The following COLQ variants were observed in gnomAD, a reference collection of about 807,000 sequenced individuals.
The protein encoded by COLQ is collagen like tail subunit of asymmetric acetylcholinesterase, also known as acetylcholinesterase collagenic tail peptide.
COLQ carries 48 observed loss-of-function variants against 69.0 expected under a neutral mutation model. The ratio of observed to expected loss-of-function variants is 0.70; its 90% CI spans 0.55 to 0.88. The LOEUF is 0.88. COLQ is among the 40% of genes least tolerant of loss of function. The pLI, the probability that COLQ is intolerant of heterozygous loss-of-function variation, is 0.00. For missense variants in COLQ, 618 were observed against 594.6 expected, an observed-to-expected ratio of 1.04 and a Z score of -0.41; for synonymous variants, 217 against 211.2, an observed-to-expected ratio of 1.03 and a Z score of -0.24.
At chr3:15,465,235 G>GAGATGGAGACTTTATATTTTTATTTATTT (rs1559515566) in intron 12 of COLQ, among the ~76,000 whole-genome samples, 10 of 135,766 alleles carry the variant, frequency 7.4e-5, no homozygotes, top group African/African-American at 1.9e-4. Flanking sequence ...TTTATATTTT[G>GAGATGGAGACTTTATATTTTTATTTATTT]ATTTATTTAT....
At chr3:15,476,727 T>C (rs1371507849) in intron 6 of COLQ, among the ~76,000 whole-genome samples, 1 of 152,164 alleles carries the variant, frequency 6.6e-6, no homozygotes, top group African/African-American at 2.4e-5. Flanking sequence ...AGGATTTCCA[T>C]CCTTCAGCCA....
At chr3:15,456,720 C>T (rs956240344) in intron 13 of COLQ, 141 bp from the exon 14 acceptor site, 1 of 1,104,014 alleles carries the variant, frequency 9.1e-7, no homozygotes, top group African/African-American at 1.6e-5. Context: ...TCTAGCATTC[C>T]TTCTGAAGTG....
chr3:15,453,020 G>T (rs191001348), intron 16 of COLQ, among the ~76,000 whole-genome samples: 1 of 152,336 alleles, frequency 6.6e-6, no homozygotes, highest in Non-Finnish European at 1.5e-5. Context: ...CTGGAACCCA[G>T]TGAAGAGCAG....
At position 15,512,128 on chromosome 3, in the gene COLQ, C is replaced by A. The variant is rs949198724; in HGVS notation, c.106+9392G>T. ...AGCAGCAGCAGGAAAGCTCCTGATG[C>A]CTTCTCCAAACTTCTCAAAGAAGGA... is the stretch of plus-strand genomic sequence containing the variant. On this transcript the variant is annotated intron_variant, in intron 1 of 16. Coordinates refer to ENST00000383788, the MANE Select transcript of COLQ (RefSeq NM_005677.4). 8.5e-5 allele frequency among the ~76,000 whole-genome samples: 13 copies of A among 152,292 alleles called. 1 individual carries two copies. The highest frequency in any genetic ancestry group is 1.9e-4 in the East Asian group (1 of 5,182).
chr3:15,477,691 G>A, intron 5 of COLQ: 1 of 162,562 alleles, frequency 6.2e-6, no homozygotes, highest in South Asian at 1.7e-4. Flanking sequence ...AATTGGAGCT[G>A]CCCAGTAATT....
chr3:15,489,924 A>ATG (rs1392604050), intron 1 of COLQ, among the ~76,000 whole-genome samples: 1 of 152,248 alleles, frequency 6.6e-6, no homozygotes, highest in Non-Finnish European at 1.5e-5. Context: ...CACTTTGTAG[A>ATG]TGTAGCAGGA....
intron 1 of COLQ, among the ~76,000 whole-genome samples, chr3:15,495,199 G>A (rs77099202): frequency 0.041 from 6,186 of 152,262 alleles, 289 homozygotes; most frequent in Admixed American, 0.14. Flanking sequence ...AAGGCTTCAG[G>A]GAACCAAGCT....
rs113347275 is a variant in COLQ at position 15,473,378 on chromosome 3, G to C, written c.636+622C>G. 6.6e-6 allele frequency among the ~76,000 whole-genome samples: 1 copy of C among 152,066 alleles called. No individual in the cohort carries two copies. Among genetic ancestry groups the C allele is most frequent in the African/African-American group, 2.4e-5 (1 of 41,384 alleles). On this transcript the variant is annotated intron_variant, in intron 10 of 16. Transcript: ENST00000383788. This position sits in a 1 kb window ranked among gnomAD's most constrained non-coding sequence, Gnocchi z 4.0. ...TCACCATGTTGCCCAGGCTAGTCTC[G>C]AACTCCTGGGTTCAAGCCATCTGCC...
intron 11 of COLQ, among the ~76,000 whole-genome samples, chr3:15,470,044 T>C (rs149747252): frequency 8.1e-4 from 124 of 152,272 alleles, no homozygotes; most frequent in Middle Eastern, 3.4e-3. Flanking sequence ...ACAACTGCCT[T>C]AAGCATGTTA....
chr3:15,520,794 C>A (rs1432001113), intron 1 of COLQ, among the ~76,000 whole-genome samples: 1 of 152,184 alleles, frequency 6.6e-6, no homozygotes, highest in Non-Finnish European at 1.5e-5. Flanking sequence ...GCAGACACAG[C>A]CCCTTCCCCA....
At chr3:15,466,651 G>GTT (rs145180516) in intron 11 of COLQ, among the ~76,000 whole-genome samples, 3 of 112,628 alleles carry the variant, frequency 2.7e-5, no homozygotes, top group African/African-American at 1.2e-4. Context: ...CTTAGTTCTT[G>GTT]CTCTACAAAT....
At chr3:15,492,680 A>G (rs988802803) in intron 1 of COLQ, among the ~76,000 whole-genome samples, 2 of 149,098 alleles carry the variant, frequency 1.3e-5, no homozygotes, top group Admixed American at 6.7e-5. Context: ...AAAAAAAAAA[A>G]TGCTGTGTAA....
intron 2 of COLQ, 30 bp from the exon 3 acceptor site, chr3:15,488,337 G>A: frequency 6.3e-7 from 1 of 1,585,846 alleles, no homozygotes; most frequent in Non-Finnish European, 8.6e-7. Flanking sequence ...AGAGTTAGAG[G>A]TCAGGCGTAG....
Position 15,473,999 on chromosome 3 carries a change from CT to C in COLQ, c.636del (p.Gly213ValfsTer11). The stretch of plus-strand genomic sequence containing the variant: ...ATTTTCACTACCTCAAGGTTACTTA[CT>C]TTCTGCCCCAACATTCCAGGAAATC... Reference protein sequence around the residue: ...FPGFPGMLGQKGEMGPKGEPG... With the variant: ...FPGFPGMLGQXGEMGPKGEPG... On this transcript the variant is annotated frameshift_variant and splice_region_variant, in exon 10 of 17. Transcript: ENST00000383788. LOFTEE classifies it high-confidence loss of function. The surrounding 1 kb of genome is among the most constrained non-coding windows in gnomAD (Gnocchi z 4.0). 6.2e-7 allele frequency: 1 copy of C among 1,614,174 alleles called. No homozygotes were observed. The highest frequency in any genetic ancestry group is 1.1e-5 in the South Asian group (1 of 91,076).
chr3:15,474,594 G>A (rs575401997), intron 8 of COLQ, among the ~76,000 whole-genome samples: 2 of 147,360 alleles, frequency 1.4e-5, no homozygotes, highest in African/African-American at 5.0e-5. Context: ...GTGTGGTGGT[G>A]AAAGCTTGGC....
chr3:15,453,895 T>C lies in COLQ; in HGVS notation c.1232A>G (p.His411Arg). ...GCCGTCACAGTCCTCCACACCCTCA[T>C]GCCGGTGACCATCTCCACAGTAGGC... ...HRAYCGDGHR[H>R]EGVEDCDGSD... The change falls in exon 16 of 17, where the codon CAT becomes CGT. Residue 411 changes from histidine to arginine, a missense_variant. Physicochemically the swap from His to Arg is conservative, Grantham distance 29 (BLOSUM62 0). Transcript: ENST00000383788. 1.9e-6 allele frequency: 3 copies of C among 1,611,742 alleles called. No individual in the cohort carries two copies. Among genetic ancestry groups the C allele is most frequent in the Non-Finnish European group, 2.5e-6 (3 of 1,178,964 alleles).
At chr3:15,470,479 C>A (rs2062262599) in intron 11 of COLQ, 57 bp downstream of exon 11, 5 of 1,505,740 alleles carry the variant, frequency 3.3e-6, no homozygotes, top group Non-Finnish European at 4.6e-6. Flanking sequence ...CCACTCCACA[C>A]ACTGCCAGGT....
At chr3:15,498,486 C>T (rs759001023) in intron 1 of COLQ, 303 of 1,538,566 alleles carry the variant, frequency 2.0e-4, no homozygotes, top group Non-Finnish European at 2.5e-4. Flanking sequence ...CACACACACA[C>T]GTGCACACAC....
chr3:15,474,298 C>A, intron 8 of COLQ, 26 bp from the exon 9 acceptor site: 1 of 1,611,990 alleles, frequency 6.2e-7, no homozygotes, highest in Non-Finnish European at 8.5e-7. Flanking sequence ...AGGAGAAAGT[C>A]AATGAGTTAA....
Sources: gnomAD v4.1 joint callset for allele counts (sites outside exome capture counted in the v4.1 genomes callset) on GRCh38, gnomAD v4.1.1 for gene constraint, Gnocchi (gnomAD v3.1) non-coding constraint, MANE v1.5 for transcripts, NCBI Gene and HGNC (gene_info 2026-07-23, HGNC 2026-07-21) for gene names.